VSTM4: variants seen among roughly 807,000 people sequenced by gnomAD.
The protein encoded by VSTM4 is V-set and transmembrane domain containing 4.
A neutral mutation model predicts 36.4 loss-of-function variants in VSTM4; 20 were observed. The observed-to-expected ratio is 0.55, with a 90% CI of 0.39 to 0.80. The LOEUF (loss-of-function observed/expected upper bound fraction) is 0.80. VSTM4 is among the 30% of genes least tolerant of loss of function. The probability of loss-of-function intolerance (pLI) is 0.00; values close to 1 mark genes in which losing one functional copy is unlikely to be tolerated. For synonymous variants in VSTM4, 182 were observed against 173.9 expected (o/e 1.05, Z -0.37); for missense variants, 392 against 404.5 (o/e 0.97, Z 0.26).
At chr10:49,096,669 T>TGTGTGTGTG in intron 2 of VSTM4, among the ~76,000 whole-genome samples, 2 of 79,060 alleles carry the variant, frequency 2.5e-5, no homozygotes, top group African/African-American at 1.7e-4. Context: ...GTGTGTGTGT[T>TGTGTGTGTG]TTGAGACGGA....
In VSTM4 at chr10:49,085,988, C is replaced by A; in HGVS notation, c.493G>T (p.Glu165Ter). Residue 165 changes from glutamate (E) to a stop codon, truncating the protein, a stop_gained, in exon 3 of 8, where the codon GAG becomes TAG. Transcript: ENST00000332853. LOFTEE classifies it high-confidence loss of function. Reference sequence around the variant, plus strand: ...AATGCCCAAGTCTCTTTTGTTTTCTCAAAGGATGACTCTTCAGAAGCTTTG... The same window carrying A: ...AATGCCCAAGTCTCTTTTGTTTTCTAAAAGGATGACTCTTCAGAAGCTTTG... ...SLKASEESSF[E>*]KTKETWAFFE... The A allele has an allele frequency of 6.3e-7, 1 of 1,593,964 alleles. No individual in the cohort carries two copies. Among genetic ancestry groups the A allele is most frequent in the South Asian group, 1.2e-5 (1 of 85,756 alleles).
At chr10:49,035,654 G>A (rs183836534) in intron 7 of VSTM4, among the ~76,000 whole-genome samples, 36 of 118,854 alleles carry the variant, frequency 3.0e-4, no homozygotes, top group Non-Finnish European at 4.4e-4. Flanking sequence ...GGCACATAGC[G>A]AGATCCCAGC....
Position 49,107,664 on chromosome 10 carries a change from G to T in VSTM4, c.387C>A (p.Val129=), listed in dbSNP as rs2132026972. 1.2e-6 allele frequency: 2 copies of T among 1,614,182 alleles called. No homozygotes were observed. Among genetic ancestry groups the T allele is most frequent in the Non-Finnish European group, 1.7e-6 (2 of 1,179,984 alleles). The change falls in exon 2 of 8, where the codon GTC becomes GTA. Residue 129 remains valine (V), a synonymous_variant. Coordinates refer to ENST00000332853, the MANE Select transcript of VSTM4 (RefSeq NM_001031746.5). ...TGTTCCTGTGCCTGCTGATTTCCTG[G>T]ACTCTGCAGACGTAATGCCCTTGAT... ...PSDQGHYVCR[V]QEISRHRNKW... is the part of the protein sequence containing the mutation.
At chr10:49,072,306 C>G (rs1174726093) in intron 4 of VSTM4, among the ~76,000 whole-genome samples, 1 of 152,168 alleles carries the variant, frequency 6.6e-6, no homozygotes, top group Non-Finnish European at 1.5e-5. Flanking sequence ...CCTTCTAAAC[C>G]TGCTTGGATG....
At chr10:49,084,353 C>T (rs1256709329) in intron 3 of VSTM4, among the ~76,000 whole-genome samples, 1 of 152,196 alleles carries the variant, frequency 6.6e-6, no homozygotes, top group Non-Finnish European at 1.5e-5. Flanking sequence ...CTCATGAGTG[C>T]AATCTCATAA....
chr10:49,095,273 T>G (rs1217379311), intron 2 of VSTM4, among the ~76,000 whole-genome samples: 1 of 152,040 alleles, frequency 6.6e-6, no homozygotes, highest in Non-Finnish European at 1.5e-5. Flanking sequence ...GCTACTACCT[T>G]CCACTCCTAG....
chr10:49,115,411 C>A lies in VSTM4; in HGVS notation c.55+20G>T. 9.7e-7 allele frequency: 1 copy of A among 1,026,362 alleles called. No homozygotes were observed. 63.6% of individuals were successfully genotyped at this position (1,026,362 alleles called of 1,614,324 possible). ...CCGGCCCCCACCCTTCCCGCTCCCGCCTGGCCCCGCCGCGCTTACCCGGAG... is the reference window on the plus strand; with the variant it reads ...CCGGCCCCCACCCTTCCCGCTCCCGACTGGCCCCGCCGCGCTTACCCGGAG... On this transcript the variant is annotated intron_variant, in intron 1 of 7. Coordinates refer to ENST00000332853, the MANE Select transcript of VSTM4 (RefSeq NM_001031746.5).
intron 2 of VSTM4, among the ~76,000 whole-genome samples, chr10:49,105,354 T>A (rs1014654993): frequency 6.1e-5 from 6 of 98,560 alleles, no homozygotes; most frequent in Non-Finnish European, 1.3e-4. Flanking sequence ...CAGAGAGAGA[T>A]ATACCAAGAG....
At chr10:49,098,605 C>A (rs185856920) in intron 2 of VSTM4, among the ~76,000 whole-genome samples, 1 of 152,334 alleles carries the variant, frequency 6.6e-6, no homozygotes, top group Admixed American at 6.5e-5. Context: ...GCTTCCAGGC[C>A]TAATGCAGAG....
At chr10:49,043,733 G>A (rs1370787052) in intron 7 of VSTM4, among the ~76,000 whole-genome samples, 2 of 152,238 alleles carry the variant, frequency 1.3e-5, no homozygotes, top group African/African-American at 4.8e-5. Context: ...ATAAAAAAGA[G>A]TCTGACAAAC....
intron 2 of VSTM4, among the ~76,000 whole-genome samples, chr10:49,092,570 G>T (rs975642977): frequency 6.6e-6 from 1 of 152,188 alleles, no homozygotes; most frequent in African/African-American, 2.4e-5. Flanking sequence ...GAAGAGTATG[G>T]TCCCTTTGAA....
chr10:49,030,421 T>C (rs947707936), intron 7 of VSTM4, among the ~76,000 whole-genome samples: 2 of 152,170 alleles, frequency 1.3e-5, no homozygotes, highest in African/African-American at 4.8e-5. Flanking sequence ...CCCCACCTAC[T>C]CTGCAGCTTC....
chr10:49,048,034 T>C (rs1015670899), intron 6 of VSTM4, among the ~76,000 whole-genome samples: 2 of 152,234 alleles, frequency 1.3e-5, no homozygotes, highest in Non-Finnish European at 2.9e-5. Context: ...CGTCATTTTA[T>C]ACCCAGAGCA....
At chr10:49,078,021 T>C (rs564829809) in intron 3 of VSTM4, among the ~76,000 whole-genome samples, 1 of 151,840 alleles carries the variant, frequency 6.6e-6, no homozygotes, top group South Asian at 2.1e-4. Context: ...GACATTTCAC[T>C]AAAGAGAATG....
chr10:49,106,020 G>A (rs1282018160), intron 2 of VSTM4, among the ~76,000 whole-genome samples: 2 of 152,058 alleles, frequency 1.3e-5, no homozygotes, highest in East Asian at 3.8e-4. Flanking sequence ...TGGTTTTCTT[G>A]AATTAATTTG....
chr10:49,102,834 T>TATC (rs1844693581), intron 2 of VSTM4: 2 of 770,274 alleles, frequency 2.6e-6, no homozygotes, highest in African/African-American at 1.9e-5. Context: ...CATTCATTGT[T>TATC]ATCATCATCA....
intron 7 of VSTM4, among the ~76,000 whole-genome samples, chr10:49,035,687 A>AAAAAAAAAAAGTT (rs1554829905): frequency 6.6e-6 from 1 of 150,908 alleles, no homozygotes; most frequent in African/African-American, 2.4e-5. Flanking sequence ...AAAAAAAAAA[A>AAAAAAAAAAAGTT]AAAAGTTAGA....
Position 49,032,795 on chromosome 10 carries a change from T to C in VSTM4, c.838-13020A>G, listed in dbSNP as rs1452439790. 1.3e-5 allele frequency among the ~76,000 whole-genome samples: 2 copies of C among 152,080 alleles called. 1 individual carries two copies. Among genetic ancestry groups the C allele is most frequent in the Non-Finnish European group, 2.9e-5 (2 of 68,034 alleles). On this transcript the variant is annotated intron_variant, in intron 7 of 7. Coordinates refer to ENST00000332853, the MANE Select transcript of VSTM4 (RefSeq NM_001031746.5). Reference sequence around the variant, plus strand: ...CTGGGTTCTGCTGCTTGGAGTCATCTAAAATCTCCACATGGCTTTTAACTT... The same window carrying C: ...CTGGGTTCTGCTGCTTGGAGTCATCCAAAATCTCCACATGGCTTTTAACTT...
At chr10:49,104,886 AAGAG>A (rs10572484) in intron 2 of VSTM4, among the ~76,000 whole-genome samples, 17 of 145,026 alleles carry the variant, frequency 1.2e-4, no homozygotes, top group South Asian at 2.2e-4. Context: ...CAGAGATACA[AAGAG>A]AGAGAGAGAC....
Sources: allele counts gnomAD v4.1 joint callset (sites outside exome capture counted in the v4.1 genomes callset), GRCh38; gene constraint gnomAD v4.1.1; transcripts MANE v1.5; gene names NCBI Gene and HGNC (gene_info 2026-07-23, HGNC 2026-07-21).